The following MED27 variants were observed in gnomAD, a reference collection of about 807,000 sequenced individuals.
The protein encoded by MED27 is mediator of RNA polymerase II transcription subunit 27.
A neutral mutation model predicts 38.2 loss-of-function variants in MED27; 30 were observed. The observed-to-expected ratio is 0.79, with a 90% CI of 0.59 to 1.07. The LOEUF (loss-of-function observed/expected upper bound fraction) is 1.07, where lower values mean the gene tolerates loss of function less well. Ranked by LOEUF, MED27 falls within the 50% of genes least tolerant of loss-of-function variation. The pLI, the probability that MED27 is intolerant of heterozygous loss-of-function variation, is 0.00. For synonymous variants in MED27, 122 were observed against 153.5 expected (o/e 0.79, Z 1.52); for missense variants, 289 against 397.5 (o/e 0.73, Z 2.32).
intron 3 of MED27, among the ~76,000 whole-genome samples, chr9:131,993,230 GT>G (rs34742134): frequency 0.57 from 85,475 of 148,852 alleles, 25,590 homozygotes; most frequent in Non-Finnish European, 0.67. Context: ...TGTTATTCAT[GT>G]TTTTTTTTTT....
At chr9:131,904,713 T>C (rs1830021904) in intron 4 of MED27, among the ~76,000 whole-genome samples, 1 of 152,104 alleles carries the variant, frequency 6.6e-6, no homozygotes, top group African/African-American at 2.4e-5. Context: ...CTGGGGTCAT[T>C]TGCTAAAGAG....
At chr9:132,011,513 G>A (rs140486183) in intron 3 of MED27, among the ~76,000 whole-genome samples, 74 of 152,284 alleles carry the variant, frequency 4.9e-4, no homozygotes, top group African/African-American at 1.7e-3. Flanking sequence ...CAGTGGAAGT[G>A]CAATGGGGCG....
At chr9:131,985,843 C>T (rs1192580960) in intron 3 of MED27, among the ~76,000 whole-genome samples, 4 of 152,026 alleles carry the variant, frequency 2.6e-5, no homozygotes, top group Non-Finnish European at 5.9e-5. Flanking sequence ...CTTTGAAGAC[C>T]TTCCACTGGG....
intron 2 of MED27, among the ~76,000 whole-genome samples, chr9:132,036,969 C>A (rs1833092567): frequency 6.6e-6 from 1 of 152,042 alleles, no homozygotes; most frequent in South Asian, 2.1e-4. Flanking sequence ...AAATTTGTGA[C>A]CGTGTAAAGT....
At chr9:131,987,281 G>T (rs1831874580) in intron 3 of MED27, among the ~76,000 whole-genome samples, 1 of 152,072 alleles carries the variant, frequency 6.6e-6, no homozygotes. Flanking sequence ...GTATGAACAG[G>T]AAGATTTCAG....
chr9:131,969,125 G>A (rs1831419520), intron 3 of MED27, among the ~76,000 whole-genome samples: 2 of 152,128 alleles, frequency 1.3e-5, no homozygotes, highest in Admixed American at 1.3e-4. Context: ...ATGAAATAAA[G>A]CGCACAATGA....
chr9:132,004,815 C>A (rs1319446753), intron 3 of MED27, among the ~76,000 whole-genome samples: 1 of 152,210 alleles, frequency 6.6e-6, no homozygotes, highest in South Asian at 2.1e-4. Context: ...ATGTTTTGAG[C>A]CTCATCAGCC....
intron 3 of MED27, among the ~76,000 whole-genome samples, chr9:131,971,339 C>T (rs1414044946): frequency 2.6e-5 from 4 of 152,198 alleles, no homozygotes; most frequent in South Asian, 2.1e-4. Flanking sequence ...CCCGGAACAG[C>T]GAAGAAGCTT....
At chr9:132,012,319 TAA>T (rs1832502325) in intron 3 of MED27, among the ~76,000 whole-genome samples, 2 of 152,202 alleles carry the variant, frequency 1.3e-5, no homozygotes, top group Non-Finnish European at 2.9e-5. Context: ...TAATGGCCCT[TAA>T]GAAGCATTCT....
Position 131,869,343 on chromosome 9 carries a change from G to A in MED27, c.724-6203C>T. 1.3e-5 allele frequency: 13 copies of A among 983,074 alleles called. No individual in the cohort carries two copies. In the South Asian group the frequency reaches 2.4e-4, roughly 18 times the overall value. 60.9% of individuals were successfully genotyped at this position (983,074 alleles called of 1,614,324 possible). On this transcript the variant is annotated intron_variant, in intron 6 of 7. Transcript: ENST00000292035. ...TTGTTTTACATTTTTCAACAACAAAGTTGTTTTTTTGCTCAGCATCCAAGA... is the reference window on the plus strand; with the variant it reads ...TTGTTTTACATTTTTCAACAACAAAATTGTTTTTTTGCTCAGCATCCAAGA...
intron 2 of MED27, among the ~76,000 whole-genome samples, chr9:132,040,482 G>A (rs1174603972): frequency 6.6e-6 from 1 of 152,212 alleles, no homozygotes; most frequent in East Asian, 1.9e-4. Context: ...CCTGACGAGA[G>A]ACTGCCCGTA....
chr9:131,919,356 C>T (rs1463779813), intron 4 of MED27, among the ~76,000 whole-genome samples: 7 of 152,104 alleles, frequency 4.6e-5, no homozygotes, highest in Admixed American at 1.3e-4. Flanking sequence ...CCTTTGGCTA[C>T]AGGGAGGTTG....
chr9:131,945,098 TAA>T (rs1830860225), intron 3 of MED27, among the ~76,000 whole-genome samples: 1 of 146,836 alleles, frequency 6.8e-6, no homozygotes, highest in Non-Finnish European at 1.5e-5. Flanking sequence ...TAATTTTATA[TAA>T]AAATATTTAT....
In MED27 at chr9:131,883,931, G is replaced by C; in HGVS notation, c.723+127C>G. 1 of 755,890 alleles carries C rather than the reference G, an allele frequency of 1.3e-6. No individual in the cohort carries two copies. The highest frequency in any genetic ancestry group is 2.2e-6 in the Non-Finnish European group (1 of 462,298). 46.8% of individuals were successfully genotyped at this position (755,890 alleles called of 1,614,324 possible). A position where few individuals can be genotyped will look rare whatever the true frequency, so the allele number is the denominator to read the frequency against. On this transcript the variant is annotated intron_variant, in intron 6 of 7. Transcript: ENST00000292035. This position sits in a 1 kb window ranked among gnomAD's most constrained non-coding sequence, Gnocchi z 4.2. ...TGTCATACATATGGAATCAGACAGT[G>C]AGCATCCTTTTCTGTCTGGCTTTTT... is the stretch of plus-strand genomic sequence containing the variant.
At chr9:131,947,434 C>T (rs1830906977) in intron 3 of MED27, among the ~76,000 whole-genome samples, 2 of 152,140 alleles carry the variant, frequency 1.3e-5, no homozygotes. Context: ...TAAAATGTTG[C>T]TTTTAATGAA....
intron 5 of MED27, among the ~76,000 whole-genome samples, chr9:131,893,572 C>A (rs369052796): frequency 6.6e-6 from 1 of 152,084 alleles, no homozygotes; most frequent in East Asian, 1.9e-4. Flanking sequence ...TACTGAGGAG[C>A]TGCTTGACTT....
intron 6 of MED27, among the ~76,000 whole-genome samples, chr9:131,876,762 G>GC (rs771229271): frequency 6.6e-5 from 10 of 152,160 alleles, no homozygotes; most frequent in South Asian, 4.1e-4. Context: ...CAGCCCACTA[G>GC]CGGGCTCACG....
At chr9:131,933,258 G>A (rs562236093) in intron 4 of MED27, among the ~76,000 whole-genome samples, 1 of 152,130 alleles carries the variant, frequency 6.6e-6, no homozygotes, top group African/African-American at 2.4e-5. Context: ...GTCCTAGCTA[G>A]AGCAATCAGA....
intron 2 of MED27, among the ~76,000 whole-genome samples, chr9:132,022,805 C>T (rs552940471): frequency 2.6e-5 from 4 of 152,208 alleles, no homozygotes; most frequent in East Asian, 1.9e-4. Context: ...CTTCACATGG[C>T]GGCAGGAGAA....
Sources: gnomAD v4.1 joint callset for allele counts (sites outside exome capture counted in the v4.1 genomes callset) on GRCh38, gnomAD v4.1.1 for gene constraint, Gnocchi (gnomAD v3.1) non-coding constraint, MANE v1.5 for transcripts, NCBI Gene and HGNC (gene_info 2026-07-23, HGNC 2026-07-21) for gene names.